Variants in ANO2 observed in about 807,000 individuals in gnomAD.
The protein encoded by ANO2 is anoctamin-2.
ANO2 carries 101 observed loss-of-function variants against 124.2 expected under a neutral mutation model. The ratio of observed to expected loss-of-function variants is 0.81; its 90% CI spans 0.69 to 0.96. The LOEUF is 0.96. Among genes scored for constraint, ANO2 ranks in the 40% least tolerant of loss-of-function variants. ANO2 has a pLI of 0.00. For missense variants in ANO2, 1,293 were observed against 1,274.5 expected, an observed-to-expected ratio of 1.01 and a Z score of -0.22; for synonymous variants, 486 against 482.5, an observed-to-expected ratio of 1.01 and a Z score of -0.09.
chr12:5,831,317 C>T (rs991163326), intron 5 of ANO2, among the ~76,000 whole-genome samples: 7 of 152,176 alleles, frequency 4.6e-5, no homozygotes, highest in Non-Finnish European at 8.8e-5. Context: ...GCAGAATATC[C>T]TTCAAAAGGA....
intron 12 of ANO2, chr12:5,741,155 A>G (rs1263411247): frequency 6.6e-6 from 1 of 152,246 alleles, no homozygotes; most frequent in Non-Finnish European, 1.5e-5. Flanking sequence ...ATGCCTGACT[A>G]TTGGCCGACA....
In ANO2 at chr12:5,621,273, C is replaced by T. The variant is rs1945106041; in HGVS notation, c.1817-5976G>A. Among the ~76,000 whole-genome samples the T allele has an allele frequency of 2.0e-5, 3 of 152,074 alleles. No homozygotes were observed. In the South Asian group the frequency reaches 6.2e-4, roughly 32 times the overall value. ...CCAGATGTGCTCTACTATGAACATGCATTGAATAAATGAATGAGTGAATGA... is the reference window on the plus strand; with the variant it reads ...CCAGATGTGCTCTACTATGAACATGTATTGAATAAATGAATGAGTGAATGA... On this transcript the variant is annotated intron_variant, in intron 16 of 24. Coordinates refer to ENST00000682330, the MANE Select transcript of ANO2 (RefSeq NM_001364791.2).
intron 11 of ANO2, among the ~76,000 whole-genome samples, chr12:5,748,021 T>A (rs1951321963): frequency 6.6e-6 from 1 of 152,166 alleles, no homozygotes; most frequent in Non-Finnish European, 1.5e-5. Flanking sequence ...TGTGGCTGCG[T>A]GCATCTGTGT....
intron 7 of ANO2, among the ~76,000 whole-genome samples, chr12:5,817,316 G>A (rs1000884701): frequency 6.6e-6 from 1 of 152,192 alleles, no homozygotes; most frequent in Admixed American, 6.5e-5. Flanking sequence ...AACACACATA[G>A]TCAGAAACTG....
At position 5,921,063 on chromosome 12, in the gene ANO2, G is replaced by A; in HGVS notation, c.511C>T (p.Leu171=). The A allele has an allele frequency of 1.2e-6, 2 of 1,611,452 alleles. No individual in the cohort carries two copies. Among genetic ancestry groups the A allele is most frequent in the Non-Finnish European group, 8.5e-7 (1 of 1,177,858 alleles). The change falls in exon 3 of 25, where the codon CTG becomes TTG. Residue 171 remains leucine, a synonymous_variant. Coordinates refer to ENST00000682330, the MANE Select transcript of ANO2 (RefSeq NM_001364791.2). ...ACCTCCAAGTCCTTCTCAAGCTCCA[G>A]TCCAGCCTCCATCAGATTGTGCTCA... ...EFEHNLMEAG[L]ELEKDLENKS...
chr12:5,841,629 T>C (rs936627666), intron 4 of ANO2, among the ~76,000 whole-genome samples: 13 of 152,148 alleles, frequency 8.5e-5, no homozygotes, highest in African/African-American at 2.9e-4. Context: ...TGGCTCCCCT[T>C]GGTTCCACAC....
chr12:5,640,269 G>A (rs1403711374), intron 15 of ANO2, among the ~76,000 whole-genome samples: 1 of 152,164 alleles, frequency 6.6e-6, no homozygotes, highest in East Asian at 1.9e-4. Context: ...GCACAGGGGT[G>A]AAGAAAGGAA....
At position 5,744,330 on chromosome 12, in the gene ANO2, G is replaced by T; in HGVS notation, c.1191-13C>A. On this transcript the variant is annotated splice_polypyrimidine_tract_variant and intron_variant, in intron 11 of 24. Transcript: ENST00000682330. Reference sequence around the variant, plus strand: ...ACACATCTCTCTGCTGCAATAGATGGAGGTTGTTGGGTCAGGTGGAGCTCA... The same window carrying T: ...ACACATCTCTCTGCTGCAATAGATGTAGGTTGTTGGGTCAGGTGGAGCTCA... 1.2e-6 allele frequency: 2 copies of T among 1,613,774 alleles called. No homozygotes were observed. The highest frequency in any genetic ancestry group is 1.7e-6 in the Non-Finnish European group (2 of 1,179,722).
At chr12:5,873,953 G>C in intron 3 of ANO2, among the ~76,000 whole-genome samples, 1 of 152,316 alleles carries the variant, frequency 6.6e-6, no homozygotes, top group Middle Eastern at 3.4e-3. Flanking sequence ...ACCAAGAGAC[G>C]CGCAGAGAAG....
At chr12:5,689,230 A>G (rs1228882635) in intron 14 of ANO2, among the ~76,000 whole-genome samples, 1 of 152,208 alleles carries the variant, frequency 6.6e-6, no homozygotes, top group African/African-American at 2.4e-5. Flanking sequence ...AGGCAGGTAC[A>G]TATCTGAGGG....
At chr12:5,854,398 CAAAAAA>C (rs56030072) in intron 3 of ANO2, among the ~76,000 whole-genome samples, 22 of 76,110 alleles carry the variant, frequency 2.9e-4, no homozygotes, top group African/African-American at 7.7e-4. Flanking sequence ...AGCTTCAGAG[CAAAAAA>C]AAAAAAAAAA....
intron 14 of ANO2, among the ~76,000 whole-genome samples, chr12:5,671,702 C>T (rs1409542468): frequency 6.6e-6 from 1 of 152,146 alleles, no homozygotes; most frequent in African/African-American, 2.4e-5. Flanking sequence ...CAAATAACCC[C>T]TTGGAGGGAA....
chr12:5,760,840 A>T (rs1397588777), intron 10 of ANO2, among the ~76,000 whole-genome samples: 1 of 152,122 alleles, frequency 6.6e-6, no homozygotes, highest in Non-Finnish European at 1.5e-5. Context: ...TGCTCGCTTT[A>T]ACTTCCCTGC....
At chr12:5,864,716 C>T (rs1955371949) in intron 3 of ANO2, among the ~76,000 whole-genome samples, 1 of 152,216 alleles carries the variant, frequency 6.6e-6, no homozygotes, top group African/African-American at 2.4e-5. Context: ...GGAACAGTCT[C>T]TGTTTATTCC....
At chr12:5,819,133 C>A (rs1953705053) in intron 7 of ANO2, among the ~76,000 whole-genome samples, 1 of 152,228 alleles carries the variant, frequency 6.6e-6, no homozygotes, top group East Asian at 1.9e-4. Context: ...TGAGATGCAA[C>A]AGTGATGGCC....
chr12:5,603,327 C>A (rs1944032285), intron 19 of ANO2, among the ~76,000 whole-genome samples: 1 of 152,042 alleles, frequency 6.6e-6, no homozygotes, highest in Non-Finnish European at 1.5e-5. Flanking sequence ...ACAAGAGTGA[C>A]CAATATAAGA....
At position 5,858,474 on chromosome 12, in the gene ANO2, C is replaced by T. The variant is rs1955173856; in HGVS notation, c.535-4333G>A. The T allele has an allele frequency of 2.6e-5, 4 of 152,142 alleles. 1 individual carries two copies. The South Asian group carries it at 8.3e-4, about 32-fold the overall frequency. The allele number at this position is 152,142 out of a possible 1,614,324, so 9.4% of individuals were successfully genotyped here. On this transcript the variant is annotated intron_variant, in intron 3 of 24. Transcript: ENST00000682330. ...AGAGATTCAAATAGAATCAGTATTT[C>T]CCACTAATTCTGGAATCTTCACCAC...
At chr12:5,722,423 C>T (rs527630258) in intron 14 of ANO2, among the ~76,000 whole-genome samples, 1 of 152,226 alleles carries the variant, frequency 6.6e-6, no homozygotes, top group Admixed American at 6.5e-5. Flanking sequence ...AGGAGAATGG[C>T]GTGAACCTGG....
intron 14 of ANO2, among the ~76,000 whole-genome samples, chr12:5,660,978 T>G (rs547071839): frequency 6.6e-6 from 1 of 152,224 alleles, no homozygotes; most frequent in African/African-American, 2.4e-5. Flanking sequence ...TGCAAAAGGT[T>G]CATAGCAACC....
Sources: gnomAD v4.1 joint callset for allele counts (sites outside exome capture counted in the v4.1 genomes callset) on GRCh38, gnomAD v4.1.1 for gene constraint, MANE v1.5 for transcripts, NCBI Gene and HGNC (gene_info 2026-07-23, HGNC 2026-07-21) for gene names.